Variants in MBTPS1 observed in about 807,000 individuals in gnomAD.
MBTPS1 encodes the protein membrane bound transcription factor peptidase, site 1.
MBTPS1 carries 94 observed loss-of-function variants against 127.8 expected under a neutral mutation model. That is an observed-to-expected ratio of 0.74 (90% CI 0.62 to 0.87). The LOEUF is 0.87. Among genes scored for constraint, MBTPS1 ranks in the 40% least tolerant of loss-of-function variants. The pLI is 0.00. For synonymous variants in MBTPS1, 632 were observed against 509.4 expected (o/e 1.24, Z -3.24); for missense variants, 1,636 against 1,353.2 (o/e 1.21, Z -3.28).
At chr16:84,097,550 G>C (rs528126000) in intron 3 of MBTPS1, among the ~76,000 whole-genome samples, 1 of 152,326 alleles carries the variant, frequency 6.6e-6, no homozygotes, top group South Asian at 2.1e-4. Flanking sequence ...CATCTCCAGA[G>C]AGTCTAGGAT....
intron 10 of MBTPS1, among the ~76,000 whole-genome samples, chr16:84,082,817 C>G (rs762971608): frequency 2.0e-5 from 3 of 152,150 alleles, no homozygotes; most frequent in Non-Finnish European, 2.9e-5. Flanking sequence ...AACAATCTTC[C>G]TCCTCTTCCT....
chr16:84,058,899 C>T (rs963242693), intron 21 of MBTPS1, among the ~76,000 whole-genome samples: 4 of 152,102 alleles, frequency 2.6e-5, no homozygotes, highest in Non-Finnish European at 4.4e-5. Context: ...GGACAGGCTG[C>T]AACCGCGGCC....
intron 21 of MBTPS1, among the ~76,000 whole-genome samples, chr16:84,058,207 T>C (rs1448018573): frequency 2.0e-5 from 3 of 152,364 alleles, no homozygotes; most frequent in Non-Finnish European, 4.4e-5. Flanking sequence ...ATATTCGAAA[T>C]GAAGACATAC....
In MBTPS1 at chr16:84,099,447, TAGTTTA is replaced by T. The variant is rs368805558; in HGVS notation, c.164-143_164-138del. On this transcript the variant is annotated intron_variant, in intron 2 of 22. Transcript: ENST00000343411. ...AGCAGACGAGAGAAAACACAAAGAC[TAGTTTA>T]AGTACCTAGACAGCTGTCTGCAGAG... The T allele has an allele frequency of 2.3e-4, 192 of 844,974 alleles. 1 individual carries two copies. In the African/African-American group the frequency reaches 3.2e-3, roughly 14 times the overall value. 52.3% of individuals were successfully genotyped at this position (844,974 alleles called of 1,614,324 possible).
intron 3 of MBTPS1, among the ~76,000 whole-genome samples, chr16:84,098,616 AAAT>A (rs2086211455): frequency 6.6e-6 from 1 of 152,172 alleles, no homozygotes; most frequent in Admixed American, 6.5e-5. Flanking sequence ...TCAAAAAAAT[AAAT>A]AAATAAAAAG....
intron 1 of MBTPS1, among the ~76,000 whole-genome samples, chr16:84,106,673 G>C (rs142276378): frequency 2.6e-5 from 4 of 152,330 alleles, no homozygotes; most frequent in East Asian, 1.9e-4. Context: ...GAAAGCATGA[G>C]GCAGTCCTGA....
intron 11 of MBTPS1, among the ~76,000 whole-genome samples, chr16:84,079,962 A>C (rs1412091506): frequency 6.6e-6 from 1 of 152,242 alleles, no homozygotes; most frequent in African/African-American, 2.4e-5. Context: ...TCTTTAGAAG[A>C]GGCCATCAGC....
intron 8 of MBTPS1, among the ~76,000 whole-genome samples, chr16:84,088,042 A>G (rs1370980134): frequency 6.6e-6 from 1 of 152,186 alleles, no homozygotes; most frequent in Non-Finnish European, 1.5e-5. Flanking sequence ...AGCTCCTTAG[A>G]GTCTCTCCAA....
chr16:84,065,496 T>C (rs2085668281), intron 18 of MBTPS1, among the ~76,000 whole-genome samples, 194 bp downstream of exon 18: 1 of 152,202 alleles, frequency 6.6e-6, no homozygotes, highest in South Asian at 2.1e-4. Flanking sequence ...ACAATGGTGA[T>C]GGTTCCACAA....
chr16:84,112,859 C>T (rs1384205378), intron 1 of MBTPS1, among the ~76,000 whole-genome samples: 2 of 150,112 alleles, frequency 1.3e-5, no homozygotes, highest in African/African-American at 4.9e-5. Context: ...CCTGTAATCC[C>T]AGCTACTCAG....
At chr16:84,062,905 G>T (rs1223297707) in intron 19 of MBTPS1, among the ~76,000 whole-genome samples, 1 of 152,180 alleles carries the variant, frequency 6.6e-6, no homozygotes, top group Admixed American at 6.6e-5. Flanking sequence ...GTAAAAGAGT[G>T]AGTCAGACCA....
intron 11 of MBTPS1, among the ~76,000 whole-genome samples, chr16:84,079,020 G>A (rs1400137332): frequency 6.6e-6 from 1 of 152,214 alleles, no homozygotes; most frequent in African/African-American, 2.4e-5. Context: ...ACTGGGTCCT[G>A]GGGGAGACCC....
rs1476707936 is a variant in MBTPS1 at position 84,060,784 on chromosome 16, G to A, written c.2602C>T (p.Gln868Ter). ...DCFWLLDALL[Q>*]YTSYGVTPPS... is the part of the protein sequence containing the mutation. ...GGTGTCACCCCATACGATGTGTACT[G>A]GAGGAGGGCATCCAGAAGCCAAAAG... Residue 868 changes from glutamine (Q) to a stop codon, truncating the protein, a stop_gained, in exon 20 of 23, where the codon CAG (glutamine) becomes TAG (stop). Transcript: ENST00000343411. LOFTEE classifies it high-confidence loss of function. 1.3e-5 allele frequency: 20 copies of A among 1,597,940 alleles called. No homozygotes were observed. Among genetic ancestry groups the A allele is most frequent in the Non-Finnish European group, 1.5e-5 (18 of 1,172,214 alleles).
intron 1 of MBTPS1, among the ~76,000 whole-genome samples, chr16:84,107,708 A>T (rs920210840): frequency 2.8e-5 from 4 of 144,542 alleles, no homozygotes; most frequent in African/African-American, 5.1e-5. Context: ...TCCTGGGCCT[A>T]TTTTTTTTTT....
At chr16:84,082,889 C>T (rs923135637) in intron 10 of MBTPS1, among the ~76,000 whole-genome samples, 2 of 152,214 alleles carry the variant, frequency 1.3e-5, no homozygotes, top group Admixed American at 1.3e-4. Context: ...CAGGCTGGAG[C>T]TCGGGAGGCC....
At chr16:84,067,852 C>A (rs918460362) in intron 15 of MBTPS1, 29 bp from the exon 16 acceptor site, 4 of 1,591,924 alleles carry the variant, frequency 2.5e-6, no homozygotes, top group Non-Finnish European at 2.6e-6. Context: ...AAGCTGGGAA[C>A]TGTCACTTCT....
At chr16:84,077,833 A>G (rs1275995161) in intron 11 of MBTPS1, among the ~76,000 whole-genome samples, 4 of 152,204 alleles carry the variant, frequency 2.6e-5, no homozygotes, top group African/African-American at 9.6e-5. Flanking sequence ...CGCAACATGC[A>G]TCCCTGACGG....
intron 1 of MBTPS1, among the ~76,000 whole-genome samples, chr16:84,116,171 T>G (rs926967696): frequency 6.6e-6 from 1 of 152,104 alleles, no homozygotes; most frequent in Non-Finnish European, 1.5e-5. Context: ...TCTCAGGGGC[T>G]CAACCCAATA....
intron 12 of MBTPS1, among the ~76,000 whole-genome samples, chr16:84,071,449 A>G (rs760233126): frequency 1.3e-5 from 2 of 152,236 alleles, no homozygotes; most frequent in African/African-American, 2.4e-5. Context: ...GGTTAAGAAA[A>G]AAGTATGAAA....
Sources: allele counts gnomAD v4.1 joint callset (sites outside exome capture counted in the v4.1 genomes callset), GRCh38; gene constraint gnomAD v4.1.1; transcripts MANE v1.5; gene names NCBI Gene and HGNC (gene_info 2026-07-23, HGNC 2026-07-21).